Variants in DYNC2I2 observed in about 807,000 individuals in gnomAD.
The protein encoded by DYNC2I2 is dynein 2 intermediate chain 2, also known as cytoplasmic dynein 2 intermediate chain 2.
In DYNC2I2, 39 loss-of-function variants were observed where a neutral mutation model predicts 52.0. The observed-to-expected ratio is 0.75, with a 90% CI of 0.58 to 0.98. The LOEUF (loss-of-function observed/expected upper bound fraction) is 0.98. DYNC2I2 is among the 50% of genes least tolerant of loss of function. DYNC2I2 has a pLI of 0.00. For synonymous variants in DYNC2I2, 359 were observed against 321.1 expected, an observed-to-expected ratio of 1.12 and a Z score of -1.26; for missense variants, 743 against 728.4, an observed-to-expected ratio of 1.02 and a Z score of -0.23.
chr9:128,652,710 G>A (rs1051193698), intron 1 of DYNC2I2, among the ~76,000 whole-genome samples: 3 of 149,824 alleles, frequency 2.0e-5, no homozygotes, highest in Non-Finnish European at 2.9e-5. Context: ...ACCTGAGGTC[G>A]GGAGTTCGAA....
At chr9:128,644,165 CTA>C (rs1020973290) in intron 1 of DYNC2I2, among the ~76,000 whole-genome samples, 3 of 152,310 alleles carry the variant, frequency 2.0e-5, no homozygotes, top group South Asian at 4.1e-4. Context: ...CACAACCACC[CTA>C]TGAAGTAAAT....
chr9:128,647,731 CAAAA>C (rs35883171), intron 1 of DYNC2I2, among the ~76,000 whole-genome samples: 2 of 73,976 alleles, frequency 2.7e-5, no homozygotes, highest in African/African-American at 4.3e-5. Flanking sequence ...GACTCCATCT[CAAAA>C]AAAAAAAAAA....
At chr9:128,668,718 G>C in the DYNC2I2 span, among the ~76,000 whole-genome samples, 1 of 151,468 alleles carries the variant, frequency 6.6e-6, no homozygotes, top group Non-Finnish European at 1.5e-5. Flanking sequence ...TACTGGGGAG[G>C]CTGAGGCATG....
upstream of DYNC2I2, among the ~76,000 whole-genome samples, chr9:128,658,446 TG>T (rs1386286738): frequency 6.6e-6 from 1 of 151,786 alleles, no homozygotes; most frequent in Non-Finnish European, 1.5e-5. Context: ...ATTACAGGCG[TG>T]GGCCACTGCG....
chr9:128,660,024 G>T (rs567691542), upstream of DYNC2I2, among the ~76,000 whole-genome samples: 2 of 146,238 alleles, frequency 1.4e-5, no homozygotes, highest in Admixed American at 6.9e-5. Context: ...CCATGATTGC[G>T]CCACTGTCTT....
chr9:128,653,577 G>A (rs1008574879), intron 1 of DYNC2I2, among the ~76,000 whole-genome samples: 1 of 149,090 alleles, frequency 6.7e-6, no homozygotes, highest in Non-Finnish European at 1.5e-5. Context: ...TTAGCCAGGC[G>A]TGCTGGCATG....
the DYNC2I2 span, among the ~76,000 whole-genome samples, chr9:128,678,240 G>C: frequency 6.6e-6 from 1 of 150,958 alleles, no homozygotes; most frequent in Non-Finnish European, 1.5e-5. Flanking sequence ...AGGTGATTTT[G>C]TATTTTTAGT....
In DYNC2I2 at chr9:128,635,226, G is replaced by A. The variant is rs11541003; in HGVS notation, c.847C>T (p.Arg283Cys). The change falls in exon 6 of 9, where the codon CGC (arginine) becomes TGC (cysteine). Residue 283 changes from arginine to cysteine, a missense_variant. By Grantham distance (180) the Arg-to-Cys change is radical (BLOSUM62 -3). Coordinates refer to ENST00000372715, the MANE Select transcript of DYNC2I2 (RefSeq NM_052844.4). ...VWLPEPGHSHRFQVLSVATDG... is the reference protein window; with the variant it reads ...VWLPEPGHSHCFQVLSVATDG... Reference sequence around the variant, plus strand: ...GTGGCCACACTCAGCACCTGGAAGCGGTGGCTGTGCCCAGGCTCGGGCAGC... The same window carrying A: ...GTGGCCACACTCAGCACCTGGAAGCAGTGGCTGTGCCCAGGCTCGGGCAGC... The A allele has an allele frequency of 1.9e-5, 30 of 1,612,782 alleles. No homozygotes were observed. Among genetic ancestry groups the A allele is most frequent in the South Asian group, 3.3e-5 (3 of 91,072 alleles).
upstream of DYNC2I2, among the ~76,000 whole-genome samples, chr9:128,660,139 C>T (rs1860901070): frequency 6.6e-6 from 1 of 151,690 alleles, no homozygotes; most frequent in African/African-American, 2.4e-5. Context: ...GACGGAGTCT[C>T]GCTCTGTCGC....
At chr9:128,675,470 G>A in the DYNC2I2 span, among the ~76,000 whole-genome samples, 4 of 152,102 alleles carry the variant, frequency 2.6e-5, no homozygotes, top group African/African-American at 4.8e-5. Flanking sequence ...ATGAGCCACC[G>A]AGCCTGGCGG....
rs567787374 is a variant in DYNC2I2, at chr9:128,653,161, G to A, written c.186+3380C>T. 1.3e-4 allele frequency among the ~76,000 whole-genome samples: 20 copies of A among 151,028 alleles called. No individual in the cohort carries two copies. In the South Asian group the frequency reaches 2.1e-3, roughly 16 times the overall value. ...GGAGGATCACCTGAAACCAGGAGGC[G>A]GAGGTTGCAGTGAGCTGAGATCACA... On this transcript the variant is annotated intron_variant, in intron 1 of 8. Coordinates refer to ENST00000372715, the MANE Select transcript of DYNC2I2 (RefSeq NM_052844.4).
intron 1 of DYNC2I2, among the ~76,000 whole-genome samples, chr9:128,644,741 C>T (rs545301552): frequency 9.2e-5 from 14 of 152,334 alleles, no homozygotes; most frequent in Non-Finnish European, 8.8e-5. Context: ...AGGATCACGG[C>T]GCCCCTGCAC....
At chr9:128,659,266 CG>C (rs1412793255), upstream of DYNC2I2, among the ~76,000 whole-genome samples, 1 of 151,750 alleles carries the variant, frequency 6.6e-6, no homozygotes, top group Non-Finnish European at 1.5e-5. Flanking sequence ...GAGGCCGAGG[CG>C]GGCGGATCAC....
chr9:128,683,761 A>C, the DYNC2I2 span: 3 of 682,092 alleles, frequency 4.4e-6, no homozygotes, highest in Non-Finnish European at 7.3e-6. Context: ...TCCCACTGTC[A>C]TGTAAATATC....
Position 128,656,784 on chromosome 9 carries a change from C to G in DYNC2I2, c.-58G>C. 1 of 1,308,294 alleles carries G rather than the reference C, an allele frequency of 7.6e-7. No homozygotes were observed. The highest frequency in any genetic ancestry group is 9.7e-7 in the Non-Finnish European group (1 of 1,026,342). The allele number at this position is 1,308,294 out of a possible 1,614,324, so 81.0% of individuals were successfully genotyped here. A position where few individuals can be genotyped will look rare whatever the true frequency, so the allele number is the denominator to read the frequency against. On this transcript the variant is annotated 5_prime_UTR_variant, in exon 1 of 9. Coordinates refer to ENST00000372715, the MANE Select transcript of DYNC2I2 (RefSeq NM_052844.4). ...TCAGGCGCGACCTCCGCCCCTACGC[C>G]GCCATGAGCGGAAAACGGGGAATGT...
the DYNC2I2 span, among the ~76,000 whole-genome samples, chr9:128,671,340 C>T: frequency 2.7e-4 from 40 of 148,420 alleles, no homozygotes; most frequent in Admixed American, 2.7e-3. Context: ...CTTGCTCTGT[C>T]ACCCAGGCTG....
At chr9:128,659,889 CAA>C (rs1407501398), upstream of DYNC2I2, among the ~76,000 whole-genome samples, 1 of 151,124 alleles carries the variant, frequency 6.6e-6, no homozygotes, top group African/African-American at 2.4e-5. Context: ...GCCTGGGCAA[CAA>C]GAGCAAGACT....
At chr9:128,644,256 C>G (rs1351313227) in intron 1 of DYNC2I2, among the ~76,000 whole-genome samples, 1 of 146,348 alleles carries the variant, frequency 6.8e-6, no homozygotes, top group Non-Finnish European at 1.5e-5. Context: ...AAAAGGTGAT[C>G]GACTTGAACC....
At chr9:128,663,089 C>T in the DYNC2I2 span, 1 of 152,246 alleles carries the variant, frequency 6.6e-6, no homozygotes, top group Non-Finnish European at 1.5e-5. Flanking sequence ...AGCCACGGCG[C>T]CCGGCCCCAA....
Sources: gnomAD v4.1 joint callset for allele counts (sites outside exome capture counted in the v4.1 genomes callset) on GRCh38, gnomAD v4.1.1 for gene constraint, MANE v1.5 for transcripts, NCBI Gene and HGNC (gene_info 2026-07-23, HGNC 2026-07-21) for gene names.